ZNF407: variants seen among roughly 807,000 people sequenced by gnomAD.
ZNF407 encodes the protein zinc finger protein 407.
A neutral mutation model predicts 131.2 loss-of-function variants in ZNF407; 17 were observed. The observed-to-expected ratio is 0.13, with a 90% confidence interval of 0.09 to 0.19. ZNF407 has a LOEUF of 0.19. Ranked by LOEUF, ZNF407 falls within the 10% of genes least tolerant of loss-of-function variation. The probability of loss-of-function intolerance (pLI) is 1.00; values close to 1 mark genes in which losing one functional copy is unlikely to be tolerated. For missense variants in ZNF407, 2,681 were observed against 2,830.6 expected (o/e 0.95, Z 1.20); for synonymous variants, 1,156 against 1,062.0 (o/e 1.09, Z -1.72).
intron 3 of ZNF407, among the ~76,000 whole-genome samples, chr18:74,719,717 T>C (rs1204699025): frequency 2.0e-5 from 3 of 152,252 alleles, no homozygotes; most frequent in African/African-American, 4.8e-5. Context: ...TTTTTACTTC[T>C]ATGCGATCAT....
intron 3 of ZNF407, among the ~76,000 whole-genome samples, chr18:74,662,252 A>C (rs1985747411): frequency 6.6e-6 from 1 of 152,146 alleles, no homozygotes. Flanking sequence ...AAGGGCTTTA[A>C]CTTGTTAAAT....
chr18:75,038,428 T>C (rs1340395974), intron 8 of ZNF407, among the ~76,000 whole-genome samples: 1 of 152,228 alleles, frequency 6.6e-6, no homozygotes, highest in Admixed American at 6.5e-5. Context: ...CTTTGTTTCT[T>C]AGCCTCACAG....
chr18:74,936,002 C>T (rs955570617), intron 8 of ZNF407, among the ~76,000 whole-genome samples: 4 of 151,988 alleles, frequency 2.6e-5, no homozygotes, highest in Non-Finnish European at 5.9e-5. Flanking sequence ...GATCATGATC[C>T]AGAACTCAAT....
At chr18:74,698,258 G>A (rs1287458682) in intron 3 of ZNF407, among the ~76,000 whole-genome samples, 1 of 152,156 alleles carries the variant, frequency 6.6e-6, no homozygotes, top group Non-Finnish European at 1.5e-5. Flanking sequence ...GAAAATATGA[G>A]CCATTTAGAA....
chr18:74,667,754 G>T lies in ZNF407; in HGVS notation c.4802+26632G>T, dbSNP rs750616230. 5.6e-4 allele frequency among the ~76,000 whole-genome samples: 85 copies of T among 152,170 alleles called. 1 individual carries two copies. The highest frequency in any genetic ancestry group is 2.0e-3 in the African/African-American group (81 of 41,430). On this transcript the variant is annotated intron_variant, in intron 3 of 8. Transcript: ENST00000299687. ...TTTATGAACTGTGGTAATAGGCCAGGTACATGGGACATGCAGGCTTCCATA... is the reference window on the plus strand; with the variant it reads ...TTTATGAACTGTGGTAATAGGCCAGTTACATGGGACATGCAGGCTTCCATA...
rs925984700 is a variant in ZNF407, at chr18:74,635,551, A to G, written c.4532A>G (p.Glu1511Gly). ...TTACATATTAAAGGACAGCATGAGG[A>G]ATTGCTGCGGGAGGTGAATAAGTAT... is the stretch of plus-strand genomic sequence containing the variant. ...LFLHIKGQHEELLREVNKYIV... is the reference protein window; with the variant it reads ...LFLHIKGQHEGLLREVNKYIV... The change falls in exon 2 of 9, where the codon GAA becomes GGA. Residue 1511 changes from glutamate (E) to glycine (G), a missense_variant. By Grantham distance (98) the Glu-to-Gly change is moderately conservative. Transcript: ENST00000299687. The surrounding 1 kb of genome is among the most constrained non-coding windows in gnomAD (Gnocchi z 4.7). 1 of 1,613,716 alleles carries G rather than the reference A, an allele frequency of 6.2e-7. No individual in the cohort carries two copies. The highest frequency in any genetic ancestry group is 8.5e-7 in the Non-Finnish European group (1 of 1,179,828).
intron 8 of ZNF407, among the ~76,000 whole-genome samples, chr18:75,051,715 A>C (rs2122265916): frequency 6.6e-6 from 1 of 152,364 alleles, no homozygotes; most frequent in South Asian, 2.1e-4. Flanking sequence ...TTAAAGAATT[A>C]ACAAGTGTTG....
At chr18:74,942,015 T>G (rs1326173625) in intron 8 of ZNF407, among the ~76,000 whole-genome samples, 1 of 152,186 alleles carries the variant, frequency 6.6e-6, no homozygotes, top group African/African-American at 2.4e-5. Flanking sequence ...CTCCATGTGT[T>G]GGGTTGAAGA....
chr18:74,907,983 G>C (rs1290379990), intron 7 of ZNF407, among the ~76,000 whole-genome samples: 1 of 152,090 alleles, frequency 6.6e-6, no homozygotes, highest in Non-Finnish European at 1.5e-5. Context: ...CTTGATCACT[G>C]TGTAATGATT....
chr18:74,790,217 C>G (rs1319028304), intron 4 of ZNF407, among the ~76,000 whole-genome samples: 2 of 152,246 alleles, frequency 1.3e-5, no homozygotes, highest in East Asian at 3.9e-4. Flanking sequence ...AGTTATTAGA[C>G]CAGAGATATA....
intron 3 of ZNF407, among the ~76,000 whole-genome samples, chr18:74,695,906 G>A (rs516410): frequency 0.68 from 103,262 of 152,080 alleles, 36,366 homozygotes; most frequent in East Asian, 0.85. Context: ...ATGAGACTAC[G>A]GTGTAGTGTT....
intron 8 of ZNF407, among the ~76,000 whole-genome samples, chr18:74,926,260 T>C (rs1971911975): frequency 6.6e-6 from 1 of 152,214 alleles, no homozygotes; most frequent in Admixed American, 6.5e-5. Context: ...CCTGTTGGAA[T>C]TCCTAAGTTT....
At position 75,049,110 on chromosome 18, in the gene ZNF407, G is replaced by T. The variant is rs936108326; in HGVS notation, c.5429-14040G>T. Among the ~76,000 whole-genome samples, 51 of 146,276 alleles carry T rather than the reference G, an allele frequency of 3.5e-4. 1 individual carries two copies. The highest frequency in any genetic ancestry group is 8.6e-4 in the African/African-American group (33 of 38,274). ...TATTTTTTTTTTTTGGGTGGGGGGG[G>T]GGTGGGGGAGTTGTTCGTCATGATC... On this transcript the variant is annotated intron_variant, in intron 8 of 8. Transcript: ENST00000299687.
intron 4 of ZNF407, among the ~76,000 whole-genome samples, chr18:74,862,077 T>C (rs953782318): frequency 1.3e-5 from 2 of 152,262 alleles, no homozygotes; most frequent in Non-Finnish European, 1.5e-5. Context: ...GACTTAGAAC[T>C]TTAGGAATTT....
At chr18:74,753,777 G>A (rs766543754) in intron 3 of ZNF407, among the ~76,000 whole-genome samples, 2 of 152,074 alleles carry the variant, frequency 1.3e-5, no homozygotes, top group African/African-American at 2.4e-5. Flanking sequence ...GAGGATTTTT[G>A]CATTGATGTT....
At position 74,719,492 on chromosome 18, in the gene ZNF407, C is replaced by T. The variant is rs957939909; in HGVS notation, c.4803-61936C>T. 6.6e-5 allele frequency among the ~76,000 whole-genome samples: 10 copies of T among 152,298 alleles called. No individual in the cohort carries two copies. The East Asian group carries it at 1.4e-3, about 21-fold the overall frequency. On this transcript the variant is annotated intron_variant, in intron 3 of 8. Transcript: ENST00000299687. ...TCAGCTCACTGCAAGCTCCGCCTCC[C>T]GGGTTCACGCCATTCTCCTGCCTCA...
At position 74,679,584 on chromosome 18, in the gene ZNF407, A is replaced by G. The variant is rs513100; in HGVS notation, c.4802+38462A>G. Among the ~76,000 whole-genome samples the G allele has an allele frequency of 4.3e-3, 653 of 152,328 alleles. 5 individuals carry two copies. The highest frequency in any genetic ancestry group is 0.015 in the African/African-American group (623 of 41,576). On this transcript the variant is annotated intron_variant, in intron 3 of 8. Coordinates refer to ENST00000299687, the MANE Select transcript of ZNF407 (RefSeq NM_017757.3). ...ATGGTGACATAATCTCTTCTTCTGT[A>G]TCCTCAAGTATCTGCTTAGTTTTTG...
In ZNF407 at chr18:74,647,794, C is replaced by T. The variant is rs181400107; in HGVS notation, c.4802+6672C>T. Among the ~76,000 whole-genome samples, 590 of 152,140 alleles carry T rather than the reference C, an allele frequency of 3.9e-3. 1 individual carries two copies. The highest frequency in any genetic ancestry group is 0.013 in the African/African-American group (558 of 41,498). On this transcript the variant is annotated intron_variant, in intron 3 of 8. Coordinates refer to ENST00000299687, the MANE Select transcript of ZNF407 (RefSeq NM_017757.3). ...GGTGGTGCCCGGGCTGTCTGTGTTG[C>T]GGAAGCCACTCTAGGAGAAGGAGCA...
intron 3 of ZNF407, among the ~76,000 whole-genome samples, chr18:74,771,679 C>T (rs1969364424): frequency 1.3e-5 from 2 of 152,100 alleles, no homozygotes; most frequent in South Asian, 2.1e-4. Flanking sequence ...CAATCTATCT[C>T]AATTGGCTGT....
Sources: allele counts gnomAD v4.1 joint callset (sites outside exome capture counted in the v4.1 genomes callset), GRCh38; gene constraint gnomAD v4.1.1; non-coding constraint Gnocchi (gnomAD v3.1); transcripts MANE v1.5; gene names NCBI Gene and HGNC (gene_info 2026-07-23, HGNC 2026-07-21).